CERS6: variants seen among roughly 807,000 people sequenced by gnomAD.
CERS6 encodes the protein LAG1 homolog, ceramide synthase 6.
A neutral mutation model predicts 56.8 loss-of-function variants in CERS6; 26 were observed. The ratio of observed to expected loss-of-function variants is 0.46; its 90% CI spans 0.34 to 0.63. The LOEUF (loss-of-function observed/expected upper bound fraction) is 0.63, where lower values mean the gene tolerates loss of function less well. Ranked by LOEUF, CERS6 falls within the 30% of genes least tolerant of loss-of-function variation. CERS6 has a pLI of 0.01. For synonymous variants in CERS6, 164 were observed against 173.3 expected (o/e 0.95, Z 0.42); for missense variants, 415 against 467.5 (o/e 0.89, Z 1.04).
chr2:168,536,849 G>A (rs1695273077), intron 1 of CERS6, among the ~76,000 whole-genome samples: 2 of 152,096 alleles, frequency 1.3e-5, no homozygotes, highest in South Asian at 4.1e-4. Flanking sequence ...ATTATTACAA[G>A]TGCTTTTTGT....
chr2:168,496,903 A>G (rs942807357), intron 1 of CERS6, among the ~76,000 whole-genome samples: 3 of 152,196 alleles, frequency 2.0e-5, no homozygotes, highest in African/African-American at 7.2e-5. Context: ...TTTTCTGACA[A>G]TTTGCAGCCA....
intron 3 of CERS6, among the ~76,000 whole-genome samples, chr2:168,582,107 A>G (rs1683428156): frequency 6.6e-6 from 1 of 152,166 alleles, no homozygotes; most frequent in Non-Finnish European, 1.5e-5. Context: ...GCTTAGTGTC[A>G]AGGCAACCAT....
intron 3 of CERS6, among the ~76,000 whole-genome samples, chr2:168,614,721 G>C (rs1684274071): frequency 6.6e-6 from 1 of 152,074 alleles, no homozygotes; most frequent in African/African-American, 2.4e-5. Flanking sequence ...AGCAACTCCT[G>C]CCCAAGGAGA....
rs1458028393 is a variant in CERS6, at chr2:168,535,671, T to C, written c.171-11925T>C. Among the ~76,000 whole-genome samples the C allele has an allele frequency of 4.2e-4, 40 of 96,060 alleles. No homozygotes were observed. The East Asian group carries it at 5.1e-3, about 12-fold the overall frequency. The allele number at this position is 96,060 out of a possible 152,430, so 63.0% of individuals were successfully genotyped here. A position where few individuals can be genotyped will look rare whatever the true frequency, so the allele number is the denominator to read the frequency against. On this transcript the variant is annotated intron_variant, in intron 1 of 9. Coordinates refer to ENST00000305747, the MANE Select transcript of CERS6 (RefSeq NM_203463.3). Reference sequence around the variant, plus strand: ...TGCCCAACAATGTTTTGATACCAGTTTTTTTTTTTTTTTTTTTGAATGAGG... The same window carrying C: ...TGCCCAACAATGTTTTGATACCAGTCTTTTTTTTTTTTTTTTTGAATGAGG...
chr2:168,642,930 A>C (rs1411566850), intron 4 of CERS6, among the ~76,000 whole-genome samples: 1 of 152,178 alleles, frequency 6.6e-6, no homozygotes, highest in East Asian at 1.9e-4. Flanking sequence ...CAGACCCTTG[A>C]TTAGGGGGTT....
rs757096866 is a variant in CERS6, at chr2:168,763,240, C to CTCT, written c.846-2351_846-2350insCTT. 1.2e-3 allele frequency among the ~76,000 whole-genome samples: 130 copies of CTCT among 105,888 alleles called. 1 individual carries two copies. The highest frequency in any genetic ancestry group is 2.7e-3 in the South Asian group (8 of 2,972). 69.5% of individuals were successfully genotyped at this position (105,888 alleles called of 152,430 possible). ...AATAATTGTTTCTCTCTCTCTCTCT[C>CTCT]TTTTTTTTTTTTTTTTTTTGAGACA... On this transcript the variant is annotated intron_variant, in intron 8 of 9. Transcript: ENST00000305747.
intron 4 of CERS6, among the ~76,000 whole-genome samples, chr2:168,668,706 G>A (rs977536467): frequency 6.6e-6 from 1 of 151,968 alleles, no homozygotes; most frequent in Non-Finnish European, 1.5e-5. Context: ...TGCCCACCTC[G>A]GCCTCCCACA....
intron 8 of CERS6, among the ~76,000 whole-genome samples, chr2:168,728,338 G>C (rs1683409797): frequency 6.7e-6 from 1 of 148,780 alleles, no homozygotes. Context: ...ACTTGGAATA[G>C]TCTTTAAAAC....
At chr2:168,661,121 A>G (rs1685618680) in intron 4 of CERS6, among the ~76,000 whole-genome samples, 1 of 152,190 alleles carries the variant, frequency 6.6e-6, no homozygotes, top group African/African-American at 2.4e-5. Flanking sequence ...GCAGTTTAGC[A>G]GTATCTGTGT....
At chr2:168,511,659 C>T (rs1022346914) in intron 1 of CERS6, among the ~76,000 whole-genome samples, 1 of 151,972 alleles carries the variant, frequency 6.6e-6, no homozygotes, top group African/African-American at 2.4e-5. Flanking sequence ...GTTCTTTTTT[C>T]TAAAAATGGA....
At position 168,713,587 on chromosome 2, in the gene CERS6, C is replaced by T. The variant is rs554537811; in HGVS notation, c.610-1414C>T. 2.6e-5 allele frequency among the ~76,000 whole-genome samples: 4 copies of T among 152,182 alleles called. No homozygotes were observed. In the East Asian group the frequency reaches 7.7e-4, roughly 29 times the overall value. On this transcript the variant is annotated intron_variant, in intron 6 of 9. Coordinates refer to ENST00000305747, the MANE Select transcript of CERS6 (RefSeq NM_203463.3). ...CAGAAAAAAACAATCTTCACTGAGG[C>T]CAAGATGAGGTTCCCTTGAAGCCGA...
intron 3 of CERS6, among the ~76,000 whole-genome samples, chr2:168,622,951 A>G (rs561260250): frequency 3.2e-4 from 48 of 152,330 alleles, no homozygotes; most frequent in African/African-American, 1.1e-3. Context: ...GAGTTTCCAA[A>G]AAGGAATCTG....
intron 6 of CERS6, among the ~76,000 whole-genome samples, chr2:168,711,170 C>T (rs1687078631): frequency 6.6e-6 from 1 of 152,122 alleles, no homozygotes; most frequent in African/African-American, 2.4e-5. Flanking sequence ...AGAAAATAAC[C>T]TCTGGACATG....
At chr2:168,637,324 A>G (rs1009085615) in intron 4 of CERS6, among the ~76,000 whole-genome samples, 15 of 151,462 alleles carry the variant, frequency 9.9e-5, no homozygotes, top group Admixed American at 2.0e-4. Context: ...GAAAATACAG[A>G]AAAAAAAAGT....
intron 3 of CERS6, among the ~76,000 whole-genome samples, chr2:168,579,442 C>T (rs143450275): frequency 1.3e-5 from 2 of 152,236 alleles, no homozygotes; most frequent in Non-Finnish European, 2.9e-5. Flanking sequence ...GGCCTCAAGT[C>T]CACCAGAGTC....
intron 4 of CERS6, among the ~76,000 whole-genome samples, chr2:168,687,846 G>A (rs1210150761): frequency 6.6e-6 from 1 of 152,082 alleles, no homozygotes; most frequent in East Asian, 1.9e-4. Flanking sequence ...TGGGACTATA[G>A]GCATATGCCA....
intron 1 of CERS6, among the ~76,000 whole-genome samples, chr2:168,467,876 G>A (rs1027396685): frequency 1.3e-5 from 2 of 152,110 alleles, no homozygotes; most frequent in Admixed American, 6.5e-5. Flanking sequence ...TGTGTGGGGG[G>A]GCCCAAGGAC....
intron 1 of CERS6, among the ~76,000 whole-genome samples, chr2:168,486,524 G>T (rs200810958): frequency 0.033 from 3,875 of 116,700 alleles, 87 homozygotes; most frequent in East Asian, 0.11. Context: ...ATTTGGTTTT[G>T]TTTTTTTTTT....
At chr2:168,584,661 C>T (rs1415465493) in intron 3 of CERS6, among the ~76,000 whole-genome samples, 1 of 152,222 alleles carries the variant, frequency 6.6e-6, no homozygotes, top group Admixed American at 6.5e-5. Context: ...TTTGATAACA[C>T]TATTTGAATT....
Sources: gnomAD v4.1 joint callset for allele counts (sites outside exome capture counted in the v4.1 genomes callset) on GRCh38, gnomAD v4.1.1 for gene constraint, MANE v1.5 for transcripts, NCBI Gene and HGNC (gene_info 2026-07-23, HGNC 2026-07-21) for gene names.